GALNT2: variants seen among roughly 807,000 people sequenced by gnomAD.
The protein encoded by GALNT2 is UDP-GalNAc:polypeptide N-acetylgalactosaminyltransferase 2.
In GALNT2, 31 loss-of-function variants were observed where a neutral mutation model predicts 81.4. The ratio of observed to expected loss-of-function variants is 0.38; its 90% CI spans 0.29 to 0.51. The LOEUF (loss-of-function observed/expected upper bound fraction) is 0.51, where lower values mean the gene tolerates loss of function less well. Ranked by LOEUF, GALNT2 falls within the 20% of genes least tolerant of loss-of-function variation. The pLI is 0.87. For synonymous variants in GALNT2, 303 were observed against 287.4 expected, an observed-to-expected ratio of 1.05 and a Z score of -0.55; for missense variants, 629 against 765.7, an observed-to-expected ratio of 0.82 and a Z score of 2.11.
chr1:230,226,375 C>G (rs1383187795), intron 3 of GALNT2, among the ~76,000 whole-genome samples: 1 of 152,222 alleles, frequency 6.6e-6, no homozygotes, highest in African/African-American at 2.4e-5. Flanking sequence ...ACACCCTCCC[C>G]CTGCCACCGA....
intron 1 of GALNT2, among the ~76,000 whole-genome samples, chr1:230,093,046 C>T (rs1347153785): frequency 1.3e-5 from 2 of 152,124 alleles, no homozygotes; most frequent in African/African-American, 4.8e-5. Flanking sequence ...AACCTGAAAC[C>T]CAAAGTGCTG....
chr1:230,209,902 C>T (rs776643117), intron 3 of GALNT2, among the ~76,000 whole-genome samples: 7 of 149,998 alleles, frequency 4.7e-5, no homozygotes, highest in Non-Finnish European at 8.8e-5. Context: ...AGAGTGGAAA[C>T]GATACAGCAT....
intron 3 of GALNT2, among the ~76,000 whole-genome samples, chr1:230,233,535 C>T (rs1664931105): frequency 6.6e-6 from 1 of 152,170 alleles, no homozygotes; most frequent in East Asian, 1.9e-4. Flanking sequence ...ATCGCTTGAA[C>T]CCGGGAGGCG....
intron 1 of GALNT2, among the ~76,000 whole-genome samples, chr1:230,169,290 C>T (rs1662712724): frequency 6.6e-6 from 1 of 152,112 alleles, no homozygotes; most frequent in East Asian, 1.9e-4. Context: ...TGTGTCATGC[C>T]TTATAGTTCA....
intron 1 of GALNT2, among the ~76,000 whole-genome samples, chr1:230,101,685 A>G (rs754083463): frequency 5.9e-5 from 9 of 152,270 alleles, no homozygotes; most frequent in Non-Finnish European, 1.3e-4. Context: ...GGAAAAATGT[A>G]TCTTAAGTGG....
intron 3 of GALNT2, among the ~76,000 whole-genome samples, chr1:230,227,391 A>T (rs1032246440): frequency 6.6e-6 from 1 of 151,562 alleles, no homozygotes; most frequent in African/African-American, 2.4e-5. Context: ...ATGGTTATAG[A>T]CTCAGAAAAT....
intron 3 of GALNT2, among the ~76,000 whole-genome samples, chr1:230,211,868 G>A (rs1202542868): frequency 6.6e-6 from 1 of 152,154 alleles, no homozygotes; most frequent in African/African-American, 2.4e-5. Context: ...TTCCCAGAAG[G>A]CTCGGAACTC....
chr1:230,246,075 G>C lies in GALNT2; in HGVS notation c.742G>C (p.Val248Leu). 6.2e-7 allele frequency: 1 copy of C among 1,613,910 alleles called. No individual in the cohort carries two copies. The highest frequency in any genetic ancestry group is 8.5e-7 in the Non-Finnish European group (1 of 1,179,818). The change falls in exon 8 of 16, where the codon GTT becomes CTT. Residue 248 changes from valine to leucine, a missense_variant. Coordinates refer to ENST00000366672, the MANE Select transcript of GALNT2 (RefSeq NM_004481.5). ...LERVAEDRTR[V>L]VSPIIDVINM... ...CTTTGTATTTTAGGACAGGACTCGG[G>C]TTGTGTCACCCATCATCGATGTCAT...
chr1:230,198,819 A>AT (rs1286583215), intron 2 of GALNT2, among the ~76,000 whole-genome samples: 4 of 152,186 alleles, frequency 2.6e-5, no homozygotes, highest in Non-Finnish European at 5.9e-5. Flanking sequence ...CTGGAAAGAA[A>AT]TTTCCTCAAA....
In GALNT2 at chr1:230,275,811, CAAATATACATGCCACATATATACAT is replaced by C. The variant is rs1666287367; in HGVS notation, c.1560+1248_1560+1272del. Among the ~76,000 whole-genome samples, 1 of 150,460 alleles carries C rather than the reference CAAATATACATGCCACATATATACAT, an allele frequency of 6.6e-6. No individual in the cohort carries two copies. Among genetic ancestry groups the C allele is most frequent in the Non-Finnish European group, 1.5e-5 (1 of 67,666 alleles). The stretch of plus-strand genomic sequence containing the variant: ...TATATATACATGCCACATATATATA[CAAATATACATGCCACATATATACAT>C]GTATATACATGCCACATAGATATAC... On this transcript the variant is annotated intron_variant, in intron 15 of 15. Transcript: ENST00000366672. The surrounding 1 kb of genome is among the most constrained non-coding windows in gnomAD (Gnocchi z 5.5).
At chr1:230,141,483 A>G (rs1418529211) in intron 1 of GALNT2, among the ~76,000 whole-genome samples, 3 of 151,604 alleles carry the variant, frequency 2.0e-5, no homozygotes, top group Non-Finnish European at 2.9e-5. Context: ...CCACCATTCT[A>G]CTTTCTGTCT....
At chr1:230,251,779 G>T (rs1198586827) in intron 10 of GALNT2, among the ~76,000 whole-genome samples, 3 of 152,182 alleles carry the variant, frequency 2.0e-5, no homozygotes, top group Non-Finnish European at 4.4e-5. Context: ...CTCAAAAACA[G>T]TGTGGTTTTC....
chr1:230,182,970 T>C (rs977409850), intron 2 of GALNT2, among the ~76,000 whole-genome samples: 4 of 152,250 alleles, frequency 2.6e-5, no homozygotes, highest in Admixed American at 1.3e-4. Flanking sequence ...TTGTATCTTT[T>C]TGGAAAACAG....
At chr1:230,231,187 A>G (rs1037180922) in intron 3 of GALNT2, among the ~76,000 whole-genome samples, 4 of 152,174 alleles carry the variant, frequency 2.6e-5, no homozygotes, top group African/African-American at 9.7e-5. Context: ...CCATTGACAC[A>G]CAGCTGCCAA....
chr1:230,212,380 G>A (rs563536206), intron 3 of GALNT2, among the ~76,000 whole-genome samples: 4 of 152,312 alleles, frequency 2.6e-5, no homozygotes, highest in South Asian at 2.1e-4. Flanking sequence ...CTGGCCACAC[G>A]TTGATGGGAT....
Position 230,118,427 on chromosome 1 carries a change from A to C in GALNT2, c.126+51021A>C, listed in dbSNP as rs140122912. 1.5e-3 allele frequency among the ~76,000 whole-genome samples: 235 copies of C among 152,372 alleles called. 1 individual carries two copies. The highest frequency in any genetic ancestry group is 5.4e-3 in the African/African-American group (226 of 41,590). On this transcript the variant is annotated intron_variant, in intron 1 of 15. Transcript: ENST00000366672. ...TGTTTAGTTTTGTAAGATCCTGCCAAACTGTCTTCCAAAGTGTGCAAGCCT... is the reference window on the plus strand; with the variant it reads ...TGTTTAGTTTTGTAAGATCCTGCCACACTGTCTTCCAAAGTGTGCAAGCCT...
intron 1 of GALNT2, among the ~76,000 whole-genome samples, chr1:230,174,462 C>G (rs1327091506): frequency 6.6e-6 from 1 of 152,070 alleles, no homozygotes; most frequent in Admixed American, 6.5e-5. Context: ...TTCATCATTT[C>G]CAAACCAAAC....
Position 230,262,965 on chromosome 1 carries a change from C to T in GALNT2, c.1273C>T (p.Pro425Ser), listed in dbSNP as rs757478232. ...GCTTAGGAAGAAACTCAGCTGCAAG[C>T]CTTTCAAATGGTACCTTGAAAATGT... ...LELRKKLSCK[P>S]FKWYLENVYP... Residue 425 changes from proline to serine, a missense_variant, in exon 13 of 16, where the codon CCT becomes TCT. Physicochemically the swap from Pro to Ser is moderately conservative, Grantham distance 74. Coordinates refer to ENST00000366672, the MANE Select transcript of GALNT2 (RefSeq NM_004481.5). 1 of 1,614,178 alleles carries T rather than the reference C, an allele frequency of 6.2e-7. No homozygotes were observed. The highest frequency in any genetic ancestry group is 1.1e-5 in the South Asian group (1 of 91,090).
intron 3 of GALNT2, among the ~76,000 whole-genome samples, chr1:230,222,188 G>A (rs968258299): frequency 1.8e-4 from 28 of 151,702 alleles, no homozygotes; most frequent in African/African-American, 5.8e-4. Flanking sequence ...CACCACGCCC[G>A]GCTAATTTTT....
Sources: allele counts gnomAD v4.1 joint callset (sites outside exome capture counted in the v4.1 genomes callset), GRCh38; gene constraint gnomAD v4.1.1; non-coding constraint Gnocchi (gnomAD v3.1); transcripts MANE v1.5; gene names NCBI Gene and HGNC (gene_info 2026-07-23, HGNC 2026-07-21).